ITPRID2: variants seen among roughly 807,000 people sequenced by gnomAD.
The protein encoded by ITPRID2 is protein ITPRID2.
ITPRID2 carries 60 observed loss-of-function variants against 124.3 expected under a neutral mutation model. The observed-to-expected ratio is 0.48, with a 90% confidence interval of 0.39 to 0.60. The LOEUF (loss-of-function observed/expected upper bound fraction) is 0.60, where lower values mean the gene tolerates loss of function less well. Ranked by LOEUF, ITPRID2 falls within the 20% of genes least tolerant of loss-of-function variation. ITPRID2 has a pLI of 0.00. For synonymous variants in ITPRID2, 521 were observed against 542.9 expected, an observed-to-expected ratio of 0.96 and a Z score of 0.56; for missense variants, 1,553 against 1,512.2, an observed-to-expected ratio of 1.03 and a Z score of -0.45.
At chr2:181,909,581 C>T (rs576212060) in intron 8 of ITPRID2, among the ~76,000 whole-genome samples, 26 of 152,244 alleles carry the variant, frequency 1.7e-4, no homozygotes, top group African/African-American at 5.1e-4. Context: ...CACTTGACTA[C>T]GATGTTCTTT....
Position 181,899,003 on chromosome 2 carries a change from T to A in ITPRID2, c.405-11T>A. On this transcript the variant is annotated splice_polypyrimidine_tract_variant and intron_variant, in intron 5 of 17. Coordinates refer to ENST00000431877, the MANE Select transcript of ITPRID2 (RefSeq NM_001130445.3). ...GTTATAAAGTTTTATATAATCTGAT[T>A]TTGTTCGTAGCAATAATATCTTGGC... 3.1e-6 allele frequency: 5 copies of A among 1,604,928 alleles called. No homozygotes were observed. The highest frequency in any genetic ancestry group is 4.3e-6 in the Non-Finnish European group (5 of 1,175,066).
chr2:181,926,451 C>T (rs1016308445), intron 16 of ITPRID2, among the ~76,000 whole-genome samples: 5 of 151,974 alleles, frequency 3.3e-5, no homozygotes, highest in African/African-American at 7.3e-5. Context: ...CGGTGGCTCA[C>T]GCCTGTAATC....
In ITPRID2 at chr2:181,915,242, G is replaced by C; in HGVS notation, c.1602G>C (p.Gly534=). 6.2e-7 allele frequency: 1 copy of C among 1,614,072 alleles called. No homozygotes were observed. Among genetic ancestry groups the C allele is most frequent in the Non-Finnish European group, 8.5e-7 (1 of 1,179,998 alleles). ...LQVQESLQAM[G]SSADSCDSET... is the part of the protein sequence containing the mutation. ...TTCAGGAGTCCTTGCAGGCTATGGG[G>C]AGTAGTGCTGATAGTTGTGACAGTG... Residue 534 remains glycine (G), a synonymous_variant, in exon 11 of 18, where the codon GGG becomes GGC. Transcript: ENST00000431877.
At chr2:181,925,907 A>G (rs1036015255) in intron 16 of ITPRID2, among the ~76,000 whole-genome samples, 2 of 152,318 alleles carry the variant, frequency 1.3e-5, no homozygotes, top group African/African-American at 4.8e-5. Context: ...TTTGTCCCAC[A>G]CTAGTCTCTC....
Position 181,908,913 on chromosome 2 carries a change from G to C in ITPRID2, c.1414-986G>C, listed in dbSNP as rs189702960. Among the ~76,000 whole-genome samples the C allele has an allele frequency of 1.2e-4, 18 of 151,708 alleles. No homozygotes were observed. In the East Asian group the frequency reaches 3.5e-3, roughly 30 times the overall value. On this transcript the variant is annotated intron_variant, in intron 8 of 17. Transcript: ENST00000431877. ...TTCAGCTAGGTACCACACTTTACTA[G>C]GATGTTCTTTATGATTTAAGAACCA...
rs1692226292 is a variant in ITPRID2, at chr2:181,896,644, T to C, written c.308-264T>C. On this transcript the variant is annotated intron_variant, in intron 3 of 17. Coordinates refer to ENST00000431877, the MANE Select transcript of ITPRID2 (RefSeq NM_001130445.3). This position sits in a 1 kb window ranked among gnomAD's most constrained non-coding sequence, Gnocchi z 4.3. The stretch of plus-strand genomic sequence containing the variant: ...TCTTGGTATGTAGTCTGATTGAACA[T>C]CTTCAAAAATATAAGTTTAAAACAG... Among the ~76,000 whole-genome samples the C allele has an allele frequency of 6.6e-6, 1 of 151,988 alleles. No individual in the cohort carries two copies. Among genetic ancestry groups the C allele is most frequent in the Admixed American group, 6.6e-5 (1 of 15,262 alleles).
At position 181,910,309 on chromosome 2, in the gene ITPRID2, T is replaced by C. The variant is rs1235182268; in HGVS notation, c.1486+338T>C. ...TTTACATTGTTATGACTGAAAAATA[T>C]ACTGGTATTATCTATCTTTGGTGTT... On this transcript the variant is annotated intron_variant, in intron 9 of 17. Transcript: ENST00000431877. This position sits in a 1 kb window ranked among gnomAD's most constrained non-coding sequence, Gnocchi z 4.1. Among the ~76,000 whole-genome samples, 4 of 152,182 alleles carry C rather than the reference T, an allele frequency of 2.6e-5. No homozygotes were observed. Among genetic ancestry groups the C allele is most frequent in the Non-Finnish European group, 4.4e-5 (3 of 68,014 alleles).
At chr2:181,893,919 G>A (rs541819438) in intron 2 of ITPRID2, 21 of 152,218 alleles carry the variant, frequency 1.4e-4, no homozygotes, top group Admixed American at 2.6e-4. Flanking sequence ...CCTTTTGGGT[G>A]AGATCTGATA....
In ITPRID2 at chr2:181,902,474, A is replaced by G. The variant is rs751518375; in HGVS notation, c.1413+8A>G. On this transcript the variant is annotated splice_region_variant and intron_variant, in intron 8 of 17. Coordinates refer to ENST00000431877, the MANE Select transcript of ITPRID2 (RefSeq NM_001130445.3). This position sits in a 1 kb window ranked among gnomAD's most constrained non-coding sequence, Gnocchi z 4.4. Reference sequence around the variant, plus strand: ...TCCTTCGAAATGGAAGAGGTAGGTAAAAAATTACTGAGACTGGTTTCAAGT... The same window carrying G: ...TCCTTCGAAATGGAAGAGGTAGGTAGAAAATTACTGAGACTGGTTTCAAGT... The G allele has an allele frequency of 4.0e-6, 6 of 1,507,770 alleles. No homozygotes were observed. Among genetic ancestry groups the G allele is most frequent in the Non-Finnish European group, 4.4e-6 (5 of 1,127,836 alleles). 93.4% of individuals were successfully genotyped at this position (1,507,770 alleles called of 1,614,324 possible). A position where few individuals can be genotyped will look rare whatever the true frequency, so the allele number is the denominator to read the frequency against.
At position 181,929,682 on chromosome 2, in the gene ITPRID2, ATG is replaced by A. The variant is rs780039852; in HGVS notation, c.*139_*140del. ...GCTGGGCTACTGTATACAGTGTACAATGTGTATTTCTTCAACCATATATTTTA... is the reference window on the plus strand; with the variant it reads ...GCTGGGCTACTGTATACAGTGTACAATGTATTTCTTCAACCATATATTTTA... On this transcript the variant is annotated 3_prime_UTR_variant, in exon 18 of 18. Transcript: ENST00000431877. 3.4e-6 allele frequency: 5 copies of A among 1,476,202 alleles called. No individual in the cohort carries two copies. In the Admixed American group the frequency reaches 7.6e-5, roughly 22 times the overall value. 91.4% of individuals were successfully genotyped at this position (1,476,202 alleles called of 1,614,324 possible).
chr2:181,908,974 A>G (rs1693379197), intron 8 of ITPRID2, among the ~76,000 whole-genome samples: 1 of 152,176 alleles, frequency 6.6e-6, no homozygotes, highest in South Asian at 2.1e-4. Context: ...ATTACCGTGC[A>G]TCTTGCCCAT....
At chr2:181,893,999 C>T (rs1457279982) in intron 2 of ITPRID2, 1 of 152,098 alleles carries the variant, frequency 6.6e-6, no homozygotes, top group Non-Finnish European at 1.5e-5. Context: ...TTACTTAAGT[C>T]CTTTAAAGCC....
At chr2:181,906,930 A>G (rs1247029723) in intron 8 of ITPRID2, among the ~76,000 whole-genome samples, 4 of 152,180 alleles carry the variant, frequency 2.6e-5, no homozygotes, top group Admixed American at 6.5e-5. Context: ...GCACAGCACC[A>G]TGCTACTACT....
rs1023480888 is a variant in ITPRID2, at chr2:181,897,542, T to C, written c.364+578T>C. Among the ~76,000 whole-genome samples the C allele has an allele frequency of 2.0e-5, 3 of 151,738 alleles. No individual in the cohort carries two copies. In the East Asian group the frequency reaches 5.8e-4, roughly 29 times the overall value. ...GCTATTTAAAAGTTTTTACAAGTTATGTAATGTTTTCCAGTAGATTTATAA... is the reference window on the plus strand; with the variant it reads ...GCTATTTAAAAGTTTTTACAAGTTACGTAATGTTTTCCAGTAGATTTATAA... On this transcript the variant is annotated intron_variant, in intron 4 of 17. Transcript: ENST00000431877.
chr2:181,897,026 G>A (rs1221903932), intron 4 of ITPRID2, 62 bp downstream of exon 4: 15 of 1,413,398 alleles, frequency 1.1e-5, no homozygotes, highest in Non-Finnish European at 1.3e-5. Flanking sequence ...AAATGAGAAA[G>A]CTGAATGGTT....
At chr2:181,912,958 G>C (rs1693723431) in intron 9 of ITPRID2, among the ~76,000 whole-genome samples, 1 of 152,134 alleles carries the variant, frequency 6.6e-6, no homozygotes, top group Admixed American at 6.5e-5. Flanking sequence ...TGAAAGAATT[G>C]TTTCATACCT....
intron 8 of ITPRID2, 100 bp from the exon 9 acceptor site, chr2:181,909,799 A>G (rs1693456293): frequency 3.9e-6 from 3 of 769,328 alleles, no homozygotes; most frequent in Admixed American, 5.2e-5. Flanking sequence ...GTTTTGGTGC[A>G]CTTGAGTTAG....
Position 181,918,642 on chromosome 2 carries a change from T to G in ITPRID2, c.2832T>G (p.Ser944Arg). 1 of 1,614,140 alleles carries G rather than the reference T, an allele frequency of 6.2e-7. No individual in the cohort carries two copies. Among genetic ancestry groups the G allele is most frequent in the Admixed American group, 1.7e-5 (1 of 60,026 alleles). The change falls in exon 12 of 18, where the codon AGT (serine) becomes AGG (arginine). Residue 944 changes from serine to arginine, a missense_variant. Physicochemically the swap from Ser to Arg is moderately radical, Grantham distance 110 (BLOSUM62 -1). Transcript: ENST00000431877. ...RGPDPAAAPYSTQKSSVLPLY... is the reference protein window; with the variant it reads ...RGPDPAAAPYRTQKSSVLPLY... Reference sequence around the variant, plus strand: ...CTGATCCTGCTGCTGCTCCATATAGTACTCAGAAATCATCTGTTCTACCTC... The same window carrying G: ...CTGATCCTGCTGCTGCTCCATATAGGACTCAGAAATCATCTGTTCTACCTC...
At chr2:181,893,578 G>T (rs1691938637) in intron 2 of ITPRID2, 1 of 152,112 alleles carries the variant, frequency 6.6e-6, no homozygotes, top group Non-Finnish European at 1.5e-5. Flanking sequence ...TTGATGAATC[G>T]ACTGGAACCT....
Sources: gnomAD v4.1 joint callset for allele counts (sites outside exome capture counted in the v4.1 genomes callset) on GRCh38, gnomAD v4.1.1 for gene constraint, Gnocchi (gnomAD v3.1) non-coding constraint, MANE v1.5 for transcripts, NCBI Gene and HGNC (gene_info 2026-07-23, HGNC 2026-07-21) for gene names.